ATP11A: variants seen among roughly 807,000 people sequenced by gnomAD.
ATP11A encodes phospholipid-transporting ATPase IH.
In ATP11A, 81 loss-of-function variants were observed where a neutral mutation model predicts 154.4. That is an observed-to-expected ratio of 0.52 (90% CI 0.44 to 0.63). The LOEUF is 0.63. Ranked by LOEUF, ATP11A falls within the 30% of genes least tolerant of loss-of-function variation. The pLI is 0.00. For missense variants in ATP11A, 1,316 were observed against 1,474.3 expected (o/e 0.89, Z 1.76); for synonymous variants, 623 against 585.9 (o/e 1.06, Z -0.91).
At chr13:112,730,033 A>G (rs1890322879) in intron 1 of ATP11A, among the ~76,000 whole-genome samples, 1 of 152,202 alleles carries the variant, frequency 6.6e-6, no homozygotes, top group African/African-American at 2.4e-5. Flanking sequence ...GCAGAGTCTC[A>G]TCTCTGTGTC....
Position 112,699,205 on chromosome 13 carries a change from C to T in ATP11A, c.39+8750C>T, listed in dbSNP as rs1437344086. Among the ~76,000 whole-genome samples the T allele has an allele frequency of 2.0e-5, 3 of 152,180 alleles. No homozygotes were observed. The East Asian group carries it at 5.8e-4, about 29-fold the overall frequency. On this transcript the variant is annotated intron_variant, in intron 1 of 29. Coordinates refer to ENST00000375645, the MANE Select transcript of ATP11A (RefSeq NM_015205.3). ...AGTGCCTTTCCTTACAGTTTTTCTG[C>T]CACTCAACTCAGATGAGTTATTCTC...
Position 112,730,213 on chromosome 13 carries a change from C to T in ATP11A, c.39+39758C>T, listed in dbSNP as rs569592890. On this transcript the variant is annotated intron_variant, in intron 1 of 29. Transcript: ENST00000375645. ...TGCAGTCACATGGCAAGGGCGACCT[C>T]GGAGGAGTCCAATCTGCCAGGACAT... Among the ~76,000 whole-genome samples the T allele has an allele frequency of 9.8e-5, 15 of 152,348 alleles. 1 individual carries two copies. The South Asian group carries it at 2.9e-3, about 29-fold the overall frequency.
chr13:112,860,524 T>G, intron 24 of ATP11A, 110 bp downstream of exon 24: 5 of 1,284,676 alleles, frequency 3.9e-6, no homozygotes, highest in Non-Finnish European at 5.5e-6. Flanking sequence ...GCCAGAAGCA[T>G]TCGGCATCTG....
Position 112,851,204 on chromosome 13 carries a change from A to C in ATP11A, c.1977A>C (p.Thr659=). 1 of 1,613,700 alleles carries C rather than the reference A, an allele frequency of 6.2e-7. No homozygotes were observed. ...IEKDLTLLGA[T]AVEDRLQEKA... Reference sequence around the variant, plus strand: ...AAGATCTTACTCTGCTTGGTGCTACAGCTGTTGAGGACCGGTAAAGTAAAC... The same window carrying C: ...AAGATCTTACTCTGCTTGGTGCTACCGCTGTTGAGGACCGGTAAAGTAAAC... The change falls in exon 18 of 30, where the codon ACA becomes ACC. Residue 659 remains threonine (T), a synonymous_variant. Transcript: ENST00000375645.
chr13:112,739,892 A>G (rs1891356881), intron 1 of ATP11A, among the ~76,000 whole-genome samples: 1 of 151,656 alleles, frequency 6.6e-6, no homozygotes, highest in Non-Finnish European at 1.5e-5. Context: ...CACACGTTGT[A>G]TGATTCTATT....
At chr13:112,756,165 A>G (rs535596308) in intron 1 of ATP11A, among the ~76,000 whole-genome samples, 2 of 152,224 alleles carry the variant, frequency 1.3e-5, no homozygotes, top group South Asian at 2.1e-4. Context: ...TCCTTACAAC[A>G]TTAAACTACA....
intron 1 of ATP11A, among the ~76,000 whole-genome samples, chr13:112,769,863 T>A (rs2077185453): frequency 6.6e-6 from 1 of 152,202 alleles, no homozygotes; most frequent in African/African-American, 2.4e-5. Flanking sequence ...GCACTTCCCG[T>A]GCCATCCCAC....
intron 20 of ATP11A, chr13:112,856,795 G>C (rs2079940156): frequency 6.6e-6 from 1 of 152,200 alleles, no homozygotes; most frequent in African/African-American, 2.4e-5. Flanking sequence ...TCCATCATTG[G>C]TCAGAGCAAA....
intron 1 of ATP11A, among the ~76,000 whole-genome samples, chr13:112,740,692 A>C (rs553341220): frequency 6.6e-6 from 1 of 152,154 alleles, no homozygotes; most frequent in African/African-American, 2.4e-5. Flanking sequence ...CTCAGTTTTC[A>C]CTGTAACTGG....
chr13:112,840,052 C>G (rs1208789254), intron 16 of ATP11A, among the ~76,000 whole-genome samples: 1 of 152,124 alleles, frequency 6.6e-6, no homozygotes, highest in Admixed American at 6.5e-5. Flanking sequence ...CTCTGCAGTT[C>G]TGCAGAGATC....
Position 112,829,354 on chromosome 13 carries a change from T to C in ATP11A, c.1222-2021T>C, listed in dbSNP as rs561976135. ...CCTCAACAAAATACTAGCAAACCAA[T>C]TCAGCAGCATACAAAAGGATCATAC... On this transcript the variant is annotated intron_variant, in intron 12 of 29. Coordinates refer to ENST00000375645, the MANE Select transcript of ATP11A (RefSeq NM_015205.3). Among the ~76,000 whole-genome samples the C allele has an allele frequency of 8.5e-5, 13 of 152,270 alleles. No homozygotes were observed. In the East Asian group the frequency reaches 1.9e-3, roughly 23 times the overall value.
intron 16 of ATP11A, 95 bp from the exon 17 acceptor site, chr13:112,842,181 C>T (rs1318877677): frequency 1.0e-6 from 1 of 963,546 alleles, no homozygotes; most frequent in Non-Finnish European, 1.6e-6. Flanking sequence ...ACACTGCTAT[C>T]CCTGTTTTTT....
chr13:112,761,063 C>T (rs1212583354), intron 1 of ATP11A, among the ~76,000 whole-genome samples: 4 of 152,216 alleles, frequency 2.6e-5, no homozygotes, highest in Non-Finnish European at 5.9e-5. Flanking sequence ...TGCTCCATCG[C>T]TCCAGGGACT....
intron 8 of ATP11A, among the ~76,000 whole-genome samples, chr13:112,821,851 G>A (rs572832650): frequency 1.3e-5 from 2 of 152,240 alleles, no homozygotes; most frequent in South Asian, 4.2e-4. Context: ...TAAACACATG[G>A]CAGGAATTAT....
intron 1 of ATP11A, among the ~76,000 whole-genome samples, chr13:112,726,649 CAG>C (rs1263274702): frequency 6.6e-6 from 1 of 152,176 alleles, no homozygotes; most frequent in Non-Finnish European, 1.5e-5. Flanking sequence ...GGACAGAAAA[CAG>C]AGCCAATCAA....
chr13:112,866,911 C>A (rs1255236534), intron 25 of ATP11A, among the ~76,000 whole-genome samples: 2 of 152,112 alleles, frequency 1.3e-5, no homozygotes, highest in African/African-American at 4.8e-5. Flanking sequence ...TTTTCTAGAA[C>A]TTATTCTTTG....
At chr13:112,829,493 T>C (rs2079033304) in intron 12 of ATP11A, among the ~76,000 whole-genome samples, 2 of 152,176 alleles carry the variant, frequency 1.3e-5, no homozygotes, top group African/African-American at 4.8e-5. Context: ...AGAAAAGGCA[T>C]TGGACAAAAT....
At chr13:112,744,613 C>T (rs1380247919) in intron 1 of ATP11A, among the ~76,000 whole-genome samples, 6 of 152,254 alleles carry the variant, frequency 3.9e-5, no homozygotes, top group Admixed American at 2.0e-4. Flanking sequence ...CGCTGCACTT[C>T]TCGGGCTCGT....
At chr13:112,769,723 G>C (rs1026241531) in intron 1 of ATP11A, among the ~76,000 whole-genome samples, 1 of 152,220 alleles carries the variant, frequency 6.6e-6, no homozygotes, top group Admixed American at 6.5e-5. Flanking sequence ...GATTTGCAGA[G>C]GGGTGGGCGA....
Sources: gnomAD v4.1 joint callset for allele counts (sites outside exome capture counted in the v4.1 genomes callset) on GRCh38, gnomAD v4.1.1 for gene constraint, MANE v1.5 for transcripts, NCBI Gene and HGNC (gene_info 2026-07-23, HGNC 2026-07-21) for gene names.